The following B4GALT7 variants were observed in gnomAD, a reference collection of about 807,000 sequenced individuals.
The protein encoded by B4GALT7 is UDP-Gal:beta-GlcNAc beta-1,4-galactosyltransferase 7.
B4GALT7 carries 30 observed loss-of-function variants against 33.0 expected under a neutral mutation model. The observed-to-expected ratio is 0.91, with a 90% CI of 0.68 to 1.23. The LOEUF (loss-of-function observed/expected upper bound fraction) is 1.23, where lower values mean the gene tolerates loss of function less well. Ranked by LOEUF, B4GALT7 falls within the 50% of genes most tolerant of loss-of-function variation. The pLI, the probability that B4GALT7 is intolerant of heterozygous loss-of-function variation, is 0.00. For synonymous variants in B4GALT7, 213 were observed against 187.2 expected, an observed-to-expected ratio of 1.14 and a Z score of -1.13; for missense variants, 507 against 450.8, an observed-to-expected ratio of 1.12 and a Z score of -1.13.
intron 3 of B4GALT7, chr5:177,607,896 CTG>C: frequency 2.9e-6 from 1 of 349,554 alleles, no homozygotes; most frequent in Non-Finnish European, 5.5e-6. Context: ...TTACTGCAGT[CTG>C]TATCCATCTA....
rs891483454 is a variant in B4GALT7, at chr5:177,609,785, G to A, written c.*90G>A. Reference sequence around the variant, plus strand: ...CAGGTCGTGGGCCCAGCTCTGACAGGATGTGGAGTGGCCAGGACCAAGACA... The same window carrying A: ...CAGGTCGTGGGCCCAGCTCTGACAGAATGTGGAGTGGCCAGGACCAAGACA... On this transcript the variant is annotated 3_prime_UTR_variant, in exon 6 of 6. Transcript: ENST00000029410. 6.0e-6 allele frequency: 9 copies of A among 1,506,844 alleles called. No individual in the cohort carries two copies. In the African/African-American group the frequency reaches 1.2e-4, roughly 21 times the overall value. The allele number at this position is 1,506,844 out of a possible 1,614,324, so 93.3% of individuals were successfully genotyped here.
chr5:177,609,443 G>T, intron 5 of B4GALT7, 97 bp from the exon 6 acceptor site: 1 of 1,452,264 alleles, frequency 6.9e-7, no homozygotes, highest in Non-Finnish European at 9.7e-7. Flanking sequence ...CTCCAGTGGG[G>T]ACCACAGGAC....
At position 177,609,537 on chromosome 5, in the gene B4GALT7, C is replaced by G. The variant is rs1561816645; in HGVS notation, c.829-3C>G. 4 of 1,613,086 alleles carry G rather than the reference C, an allele frequency of 2.5e-6. No homozygotes were observed. The highest frequency in any genetic ancestry group is 3.4e-6 in the Non-Finnish European group (4 of 1,180,008). On this transcript the variant is annotated splice_region_variant and splice_polypyrimidine_tract_variant and intron_variant, in intron 5 of 5. Coordinates refer to ENST00000029410, the MANE Select transcript of B4GALT7 (RefSeq NM_007255.3). ...CCGTGCTCTTTCCTCTCTTCCTCCC[C>G]AGGAGCAGTTCAAGGTGGACAGGGA... is the stretch of plus-strand genomic sequence containing the variant.
chr5:177,600,259 A>G lies in B4GALT7; in HGVS notation c.49A>G (p.Arg17Gly), dbSNP rs774824237. 53 of 1,356,524 alleles carry G rather than the reference A, an allele frequency of 3.9e-5. No individual in the cohort carries two copies. The South Asian group carries it at 7.1e-4, about 18-fold the overall frequency. The allele number at this position is 1,356,524 out of a possible 1,614,324, so 84.0% of individuals were successfully genotyped here. The change falls in exon 1 of 6, where the codon AGG becomes GGG. Residue 17 changes from arginine to glycine, a missense_variant and splice_region_variant. Physicochemically the swap from Arg to Gly is moderately radical, Grantham distance 125. Coordinates refer to ENST00000029410, the MANE Select transcript of B4GALT7 (RefSeq NM_007255.3). The surrounding 1 kb of genome is among the most constrained non-coding windows in gnomAD (Gnocchi z 4.4). ...GGCGCAGCTGCCCTGGGAGGACGGC[A>G]GGTGAGCGGCGGCGGTGGGCCCGGG... ...KAAQLPWEDG[R>G]SGLLSGGLPR...
In B4GALT7 at chr5:177,600,209, C is replaced by G; in HGVS notation, c.-2C>G. 3 of 1,383,616 alleles carry G rather than the reference C, an allele frequency of 2.2e-6. No homozygotes were observed. The highest frequency in any genetic ancestry group is 2.8e-6 in the Non-Finnish European group (3 of 1,062,020). The allele number at this position is 1,383,616 out of a possible 1,614,324, so 85.7% of individuals were successfully genotyped here. A position where few individuals can be genotyped will look rare whatever the true frequency, so the allele number is the denominator to read the frequency against. On this transcript the variant is annotated 5_prime_UTR_variant, in exon 1 of 6. Transcript: ENST00000029410. The surrounding 1 kb of genome is among the most constrained non-coding windows in gnomAD (Gnocchi z 4.4). ...CCCCATGCGCCGCCGCCTCTCCGCA[C>G]GATGTTCCCCTCGCGGAGGAAAGCG...
In B4GALT7 at chr5:177,608,204, G is replaced by A; in HGVS notation, c.640-335G>A. On this transcript the variant is annotated intron_variant, in intron 3 of 5. Coordinates refer to ENST00000029410, the MANE Select transcript of B4GALT7 (RefSeq NM_007255.3). This position sits in a 1 kb window ranked among gnomAD's most constrained non-coding sequence, Gnocchi z 4.1. ...CTCACACACACAGGAAGAGATGAGG[G>A]CAGGGCCACCAGGAGAAAGGGGAAT... The A allele has an allele frequency of 2.6e-6, 1 of 382,736 alleles. No homozygotes were observed. The allele number at this position is 382,736 out of a possible 1,614,324, so 23.7% of individuals were successfully genotyped here.
intron 1 of B4GALT7, chr5:177,601,285 C>T (rs953991100): frequency 6.6e-6 from 1 of 152,208 alleles, no homozygotes; most frequent in Non-Finnish European, 1.5e-5. Context: ...TGTCCGACCG[C>T]AGCCTTTCCG....
intron 2 of B4GALT7, chr5:177,605,859 A>C: frequency 6.6e-6 from 1 of 151,538 alleles, no homozygotes; most frequent in Non-Finnish European, 1.5e-5. Flanking sequence ...TTCCGCTCAG[A>C]CTCCTGCACC....
Position 177,604,367 on chromosome 5 carries a change from C to T in B4GALT7, c.239C>T (p.Pro80Leu), listed in dbSNP as rs777092684. ...GPPRACPPEP[P>L]PEHWEEDASW... is the part of the protein sequence containing the mutation. Reference sequence around the variant, plus strand: ...CCCCGTGCCTGCCCCCCAGAGCCGCCCCCTGAGCACTGGGAAGAAGACGCA... The same window carrying T: ...CCCCGTGCCTGCCCCCCAGAGCCGCTCCCTGAGCACTGGGAAGAAGACGCA... The change falls in exon 2 of 6, where the codon CCC (proline) becomes CTC (leucine). Residue 80 changes from proline (P) to leucine (L), a missense_variant. By Grantham distance (98) the Pro-to-Leu change is moderately conservative. Transcript: ENST00000029410. 1.2e-5 allele frequency: 20 copies of T among 1,613,030 alleles called. No individual in the cohort carries two copies. Among genetic ancestry groups the T allele is most frequent in the South Asian group, 9.9e-5 (9 of 91,032 alleles).
At chr5:177,609,129 C>A (rs988901242) in intron 5 of B4GALT7, 115 bp downstream of exon 5, 5 of 981,812 alleles carry the variant, frequency 5.1e-6, no homozygotes, top group Non-Finnish European at 7.8e-6. Flanking sequence ...CCTGCTTGGC[C>A]CAGGTCAGTC....
rs1767810202 is a variant in B4GALT7 at position 177,600,289 on chromosome 5, G to T, written c.50+29G>T. On this transcript the variant is annotated intron_variant, in intron 1 of 5. Coordinates refer to ENST00000029410, the MANE Select transcript of B4GALT7 (RefSeq NM_007255.3). The surrounding 1 kb of genome is among the most constrained non-coding windows in gnomAD (Gnocchi z 4.4). ...AGCGGCGGCGGTGGGCCCGGGCCCC[G>T]TCCTCCCGGGCGCCGCTCCCTTCTC... is the stretch of plus-strand genomic sequence containing the variant. The T allele has an allele frequency of 3.9e-6, 5 of 1,298,264 alleles. No homozygotes were observed. The highest frequency in any genetic ancestry group is 1.5e-5 in the African/African-American group (1 of 64,810). 80.4% of individuals were successfully genotyped at this position (1,298,264 alleles called of 1,614,324 possible). A position where few individuals can be genotyped will look rare whatever the true frequency, so the allele number is the denominator to read the frequency against.
At position 177,602,944 on chromosome 5, in the gene B4GALT7, G is replaced by A. The variant is rs777043785; in HGVS notation, c.51-1235G>A. ...GTTGCCCAGGCTGGAGTGCAGTGGC[G>A]TGATCTCAGCTCACTGCAACCTCCG... On this transcript the variant is annotated intron_variant, in intron 1 of 5. Transcript: ENST00000029410. The A allele has an allele frequency of 2.3e-5, 16 of 700,424 alleles. No homozygotes were observed. The Admixed American group carries it at 3.1e-4, about 14-fold the overall frequency. 43.4% of individuals were successfully genotyped at this position (700,424 alleles called of 1,614,324 possible).
chr5:177,604,135 C>T, intron 1 of B4GALT7, 44 bp from the exon 2 acceptor site: 1 of 1,611,874 alleles, frequency 6.2e-7, no homozygotes, highest in African/African-American at 1.3e-5. Flanking sequence ...GTCACAGGGC[C>T]AGCCCTGCCC....
At position 177,600,286 on chromosome 5, in the gene B4GALT7, CCCGTCCTCCCGGGCG is replaced by C. The variant is rs1192921162; in HGVS notation, c.50+30_50+44del. ...GTGAGCGGCGGCGGTGGGCCCGGGC[CCCGTCCTCCCGGGCG>C]CCGCTCCCTTCTCGGCCGCCGGCGG... On this transcript the variant is annotated intron_variant, in intron 1 of 5. Coordinates refer to ENST00000029410, the MANE Select transcript of B4GALT7 (RefSeq NM_007255.3). The surrounding 1 kb of genome is among the most constrained non-coding windows in gnomAD (Gnocchi z 4.4). 9.2e-6 allele frequency: 12 copies of C among 1,300,476 alleles called. No homozygotes were observed. The highest frequency in any genetic ancestry group is 1.2e-5 in the Non-Finnish European group (12 of 1,021,566). The allele number at this position is 1,300,476 out of a possible 1,614,324, so 80.6% of individuals were successfully genotyped here.
At position 177,607,380 on chromosome 5, in the gene B4GALT7, T is replaced by C; in HGVS notation, c.492T>C (p.Val164=). ...NSTDYIAMHD[V]DLLPLNEELD... Reference sequence around the variant, plus strand: ...CGGACTACATTGCCATGCACGACGTTGACCTGCTCCCTCTCAACGAGGAGC... The same window carrying C: ...CGGACTACATTGCCATGCACGACGTCGACCTGCTCCCTCTCAACGAGGAGC... Residue 164 remains valine (V), a synonymous_variant, in exon 3 of 6, where the codon GTT becomes GTC. Transcript: ENST00000029410. The C allele has an allele frequency of 6.2e-7, 1 of 1,614,130 alleles. No homozygotes were observed. The highest frequency in any genetic ancestry group is 8.5e-7 in the Non-Finnish European group (1 of 1,180,044).
At chr5:177,604,155 G>T in intron 1 of B4GALT7, 24 bp from the exon 2 acceptor site, 1 of 1,613,050 alleles carries the variant, frequency 6.2e-7, no homozygotes, top group South Asian at 1.1e-5. Flanking sequence ...CCGCCCTCCT[G>T]ACCCTGTCCC....
At position 177,600,304 on chromosome 5, in the gene B4GALT7, G is replaced by A; in HGVS notation, c.50+44G>A. ...CCCGGGCCCCGTCCTCCCGGGCGCC[G>A]CTCCCTTCTCGGCCGCCGGCGGAAT... On this transcript the variant is annotated intron_variant, in intron 1 of 5. Transcript: ENST00000029410. The surrounding 1 kb of genome is among the most constrained non-coding windows in gnomAD (Gnocchi z 4.4). 2.3e-6 allele frequency: 3 copies of A among 1,286,864 alleles called. No individual in the cohort carries two copies. The highest frequency in any genetic ancestry group is 2.2e-5 in the South Asian group (1 of 46,186). 79.7% of individuals were successfully genotyped at this position (1,286,864 alleles called of 1,614,324 possible). A position where few individuals can be genotyped will look rare whatever the true frequency, so the allele number is the denominator to read the frequency against.
Position 177,604,518 on chromosome 5 carries a change from G to C in B4GALT7, c.390G>C (p.Val130=), listed in dbSNP as rs772457518. 6.2e-7 allele frequency: 1 copy of C among 1,613,862 alleles called. No homozygotes were observed. Among genetic ancestry groups the C allele is most frequent in the African/African-American group, 1.3e-5 (1 of 75,040 alleles). ...SRKKIRHHIY[V]LNQVDHFRFN... is the part of the protein sequence containing the mutation. The stretch of plus-strand genomic sequence containing the variant: ...AGAAGATCCGGCACCACATCTACGT[G>C]CTCAACCAGGTGGACCACTTCAGGT... The change falls in exon 2 of 6, where the codon GTG becomes GTC. Residue 130 remains valine, a synonymous_variant. Transcript: ENST00000029410.
chr5:177,603,070 A>T (rs1056516667), intron 1 of B4GALT7: 1 of 384,658 alleles, frequency 2.6e-6, no homozygotes, highest in Non-Finnish European at 3.6e-6. Flanking sequence ...TTTAGTAGAG[A>T]TGGGGTGTTA....
Sources: allele counts gnomAD v4.1 joint callset, GRCh38; gene constraint gnomAD v4.1.1; non-coding constraint Gnocchi (gnomAD v3.1); transcripts MANE v1.5; gene names NCBI Gene and HGNC (gene_info 2026-07-23, HGNC 2026-07-21).